The following SGCZ variants were observed in gnomAD, a reference collection of about 807,000 sequenced individuals.
SGCZ encodes the protein zeta-sarcoglycan.
Under a neutral mutation model 41.3 loss-of-function variants are expected in SGCZ, and 40 were observed. The observed-to-expected ratio is 0.97, with a 90% CI of 0.75 to 1.26. The LOEUF (loss-of-function observed/expected upper bound fraction) is 1.26. Among genes scored for constraint, SGCZ ranks in the 50% most tolerant of loss-of-function variants. SGCZ has a pLI of 0.00. For missense variants in SGCZ, 552 were observed against 369.8 expected, an observed-to-expected ratio of 1.49 and a Z score of -4.04; for synonymous variants, 206 against 137.5, an observed-to-expected ratio of 1.50 and a Z score of -3.49.
At chr8:14,669,068 C>T (rs969912156) in intron 1 of SGCZ, among the ~76,000 whole-genome samples, 14 of 152,098 alleles carry the variant, frequency 9.2e-5, no homozygotes, top group Admixed American at 9.2e-4. Context: ...GGTGCAGTGG[C>T]TCAGGCCTGT....
chr8:14,789,228 G>C (rs941831373), intron 1 of SGCZ, among the ~76,000 whole-genome samples: 1 of 152,074 alleles, frequency 6.6e-6, no homozygotes, highest in African/African-American at 2.4e-5. Context: ...TGCAAAAAAA[G>C]TGTGATACTA....
chr8:14,914,612 G>A (rs1799373338), intron 1 of SGCZ, among the ~76,000 whole-genome samples: 2 of 151,924 alleles, frequency 1.3e-5, no homozygotes, highest in African/African-American at 4.8e-5. Context: ...ACATCTATCA[G>A]GAAAATAATT....
chr8:14,388,506 G>A (rs1426805494), intron 2 of SGCZ, among the ~76,000 whole-genome samples: 1 of 152,088 alleles, frequency 6.6e-6, no homozygotes, highest in Non-Finnish European at 1.5e-5. Context: ...AAATAAATAT[G>A]CACATACACT....
intron 2 of SGCZ, among the ~76,000 whole-genome samples, chr8:14,530,481 T>C (rs1053644926): frequency 3.3e-5 from 5 of 152,214 alleles, no homozygotes; most frequent in East Asian, 1.9e-4. Flanking sequence ...TGCCTTCATA[T>C]TCACATTTTA....
chr8:14,543,430 A>G (rs182739870), intron 2 of SGCZ, among the ~76,000 whole-genome samples: 2,352 of 152,068 alleles, frequency 0.015, 56 homozygotes, highest in African/African-American at 0.054. Flanking sequence ...TCATTATTAC[A>G]TGATTGGGTA....
intron 2 of SGCZ, among the ~76,000 whole-genome samples, chr8:14,500,955 G>A (rs577123797): frequency 6.7e-6 from 1 of 149,002 alleles, no homozygotes; most frequent in East Asian, 2.0e-4. Flanking sequence ...CATTGCTGGT[G>A]TAAAAAAAAA....
At chr8:14,218,796 A>C (rs1466613223) in intron 4 of SGCZ, among the ~76,000 whole-genome samples, 1 of 152,206 alleles carries the variant, frequency 6.6e-6, no homozygotes, top group South Asian at 2.1e-4. Context: ...TGGTCCAGGA[A>C]CCGTTAATGA....
chr8:14,586,577 AATGAAACTACTAAGAAAAAT>A, intron 1 of SGCZ, among the ~76,000 whole-genome samples: 1 of 152,202 alleles, frequency 6.6e-6, no homozygotes, highest in Non-Finnish European at 1.5e-5. Flanking sequence ...TTAAAAAACA[AATGAAACTACTAAGAAAAAT>A]AATAGTCATC....
intron 1 of SGCZ, among the ~76,000 whole-genome samples, chr8:14,833,638 G>A (rs1042156898): frequency 6.6e-6 from 1 of 151,936 alleles, no homozygotes; most frequent in Admixed American, 6.5e-5. Context: ...TGCAAAAGGT[G>A]AATGTGCTTG....
At chr8:14,812,560 G>C (rs904540147) in intron 1 of SGCZ, among the ~76,000 whole-genome samples, 1 of 152,058 alleles carries the variant, frequency 6.6e-6, no homozygotes, top group African/African-American at 2.4e-5. Context: ...CATAATTTGA[G>C]ACTGAGTATC....
intron 1 of SGCZ, among the ~76,000 whole-genome samples, chr8:14,685,550 C>T (rs1808585503): frequency 6.6e-6 from 1 of 152,048 alleles, no homozygotes; most frequent in Non-Finnish European, 1.5e-5. Context: ...TATTGCTATT[C>T]ATTGAAATAC....
At chr8:14,680,964 G>GAAAAA (rs71209075) in intron 1 of SGCZ, among the ~76,000 whole-genome samples, 4 of 117,938 alleles carry the variant, frequency 3.4e-5, no homozygotes, top group African/African-American at 9.6e-5. Context: ...AAAAGAGTGG[G>GAAAAA]AAAAAAAAAA....
intron 2 of SGCZ, among the ~76,000 whole-genome samples, chr8:14,462,950 T>C (rs904490545): frequency 1.3e-5 from 2 of 151,794 alleles, no homozygotes; most frequent in Admixed American, 1.3e-4. Flanking sequence ...CTGATGCTAT[T>C]GTAAACTTAA....
chr8:14,154,233 G>A (rs1585183882), intron 5 of SGCZ, among the ~76,000 whole-genome samples: 1 of 143,792 alleles, frequency 7.0e-6, no homozygotes, highest in Admixed American at 7.1e-5. Context: ...AGCCAGGCGT[G>A]GTGGTGGTCG....
chr8:14,572,002 C>A (rs957259832), intron 1 of SGCZ, among the ~76,000 whole-genome samples: 1 of 152,112 alleles, frequency 6.6e-6, no homozygotes, highest in African/African-American at 2.4e-5. Context: ...GTTTAAAATA[C>A]TTAAAAATTT....
intron 4 of SGCZ, among the ~76,000 whole-genome samples, chr8:14,215,971 A>G (rs1805980577): frequency 6.6e-6 from 1 of 152,226 alleles, no homozygotes; most frequent in Non-Finnish European, 1.5e-5. Context: ...GGCCCCTCAC[A>G]GACCCTGAGG....
chr8:14,684,209 T>G (rs1808534920), intron 1 of SGCZ, among the ~76,000 whole-genome samples: 1 of 152,196 alleles, frequency 6.6e-6, no homozygotes, highest in Non-Finnish European at 1.5e-5. Context: ...CATAATGCAA[T>G]TTTTACTTGG....
intron 1 of SGCZ, among the ~76,000 whole-genome samples, chr8:15,228,238 A>G (rs891017112): frequency 6.6e-6 from 1 of 152,218 alleles, no homozygotes; most frequent in Non-Finnish European, 1.5e-5. Context: ...AAAGATCTTC[A>G]GTTGTCCTTG....
chr8:14,630,966 C>T (rs567265049), intron 1 of SGCZ, among the ~76,000 whole-genome samples: 16 of 152,010 alleles, frequency 1.1e-4, no homozygotes, highest in Non-Finnish European at 2.1e-4. Flanking sequence ...CACATGTATA[C>T]ATATGTAACA....
Sources: allele counts gnomAD v4.1 joint callset (sites outside exome capture counted in the v4.1 genomes callset), GRCh38; gene constraint gnomAD v4.1.1; transcripts MANE v1.5; gene names NCBI Gene and HGNC (gene_info 2026-07-23, HGNC 2026-07-21).